The following DLG2 variants were observed in gnomAD, a reference collection of about 807,000 sequenced individuals.
The protein encoded by DLG2 is discs large MAGUK scaffold protein 2, also known as disks large homolog 2.
Under a neutral mutation model 132.5 loss-of-function variants are expected in DLG2, and 45 were observed. The observed-to-expected ratio is 0.34, with a 90% CI of 0.27 to 0.44. The LOEUF is 0.44. Among genes scored for constraint, DLG2 ranks in the 20% least tolerant of loss-of-function variants. The pLI is 1.00. For missense variants in DLG2, 1,045 were observed against 1,196.9 expected (o/e 0.87, Z 1.87); for synonymous variants, 424 against 419.6 (o/e 1.01, Z -0.13).
chr11:85,205,252 G>A (rs2081797730), intron 4 of DLG2, among the ~76,000 whole-genome samples: 1 of 151,014 alleles, frequency 6.6e-6, no homozygotes, highest in Non-Finnish European at 1.5e-5. Flanking sequence ...TAGAAATGGA[G>A]GTCAGTGTGC....
chr11:85,244,996 T>A lies in DLG2; in HGVS notation c.186+40224A>T, dbSNP rs115796025. Among the ~76,000 whole-genome samples the A allele has an allele frequency of 3.5e-3, 539 of 152,058 alleles. 4 individuals are homozygous for A. The highest frequency in any genetic ancestry group is 0.013 in the African/African-American group (529 of 41,548). ...GGCAACATGGAATCATAGACCAGTG[T>A]GGGAGCTTAGAGTTAGGTGGAATTA... On this transcript the variant is annotated intron_variant, in intron 4 of 27. Coordinates refer to ENST00000376104, the MANE Select transcript of DLG2 (RefSeq NM_001142699.3).
At chr11:84,434,118 C>CA (rs201807752) in intron 7 of DLG2, among the ~76,000 whole-genome samples, 22,899 of 86,526 alleles carry the variant, frequency 0.26, 3,439 homozygotes, top group African/African-American at 0.45. Flanking sequence ...GACTCCATCT[C>CA]AAAAAAAAAA....
intron 3 of DLG2, among the ~76,000 whole-genome samples, chr11:85,589,164 C>T (rs2079148827): frequency 6.6e-6 from 1 of 152,200 alleles, no homozygotes; most frequent in South Asian, 2.1e-4. Flanking sequence ...CTAGCAGTGA[C>T]ACTGTCACGT....
chr11:83,854,531 G>T lies in DLG2; in HGVS notation c.1565+19889C>A, dbSNP rs930367888. Reference sequence around the variant, plus strand: ...GACAAACATGGTGCTAGAACAACTGGACATCCACATGCAAAACAGAAAAAA... The same window carrying T: ...GACAAACATGGTGCTAGAACAACTGTACATCCACATGCAAAACAGAAAAAA... On this transcript the variant is annotated intron_variant, in intron 16 of 27. Coordinates refer to ENST00000376104, the MANE Select transcript of DLG2 (RefSeq NM_001142699.3). 6.6e-5 allele frequency among the ~76,000 whole-genome samples: 10 copies of T among 151,990 alleles called. 1 individual carries two copies. The highest frequency in any genetic ancestry group is 2.4e-4 in the African/African-American group (10 of 41,390).
chr11:84,420,645 GTTTTCTTTTTTTTTTTT>G (rs2098946015), intron 7 of DLG2, among the ~76,000 whole-genome samples: 1 of 48,916 alleles, frequency 2.0e-5, no homozygotes, highest in East Asian at 1.1e-3. Context: ...ACCAATGCTT[GTTTTCTTTTTTTTTTTT>G]TTTTTTTTTT....
At chr11:83,639,632 G>A (rs1042684495) in intron 18 of DLG2, among the ~76,000 whole-genome samples, 3 of 151,898 alleles carry the variant, frequency 2.0e-5, no homozygotes, top group Middle Eastern at 3.4e-3. Flanking sequence ...GGGGAGGGAT[G>A]GCATTAGGAG....
intron 18 of DLG2, among the ~76,000 whole-genome samples, chr11:83,692,488 G>T (rs1400558813): frequency 1.3e-5 from 2 of 152,148 alleles, no homozygotes; most frequent in African/African-American, 4.8e-5. Flanking sequence ...GGAGGTAGGG[G>T]GTGGGAGGAA....
rs11602243 is a variant in DLG2, at chr11:83,572,006, C to T, written c.1941-30148G>A. On this transcript the variant is annotated intron_variant, in intron 19 of 27. Coordinates refer to ENST00000376104, the MANE Select transcript of DLG2 (RefSeq NM_001142699.3). The stretch of plus-strand genomic sequence containing the variant: ...ATGGTGTGATTCTAATTTTGTTTTA[C>T]ATATTATATATAAAGATACAAAGCA... Among the ~76,000 whole-genome samples, 869 of 152,024 alleles carry T rather than the reference C, an allele frequency of 5.7e-3. 5 individuals carry two copies. Among genetic ancestry groups the T allele is most frequent in the Middle Eastern group, 0.024 (7 of 294 alleles).
intron 7 of DLG2, among the ~76,000 whole-genome samples, chr11:84,506,015 C>G (rs1417014039): frequency 1.3e-5 from 2 of 151,228 alleles, no homozygotes; most frequent in African/African-American, 2.4e-5. Context: ...AATTAAGGAC[C>G]TTGAGATGGC....
At position 84,288,368 on chromosome 11, in the gene DLG2, A is replaced by C. The variant is rs187119679; in HGVS notation, c.520-37077T>G. 1.2e-3 allele frequency among the ~76,000 whole-genome samples: 178 copies of C among 152,164 alleles called. 1 individual carries two copies. The South Asian group carries it at 0.013, about 11-fold the overall frequency. ...ATTTTATTAATGCTATCAGGAAGGG[A>C]CAAGTATAGAAGGCCTCCAAGATGA... On this transcript the variant is annotated intron_variant, in intron 7 of 27. Transcript: ENST00000376104.
intron 3 of DLG2, among the ~76,000 whole-genome samples, chr11:85,435,886 G>A (rs1289014783): frequency 6.6e-6 from 1 of 152,084 alleles, no homozygotes; most frequent in African/African-American, 2.4e-5. Context: ...AAAGCTGGAG[G>A]CATCATGTTA....
chr11:84,531,279 A>T (rs1249685984), intron 7 of DLG2, among the ~76,000 whole-genome samples: 1 of 152,204 alleles, frequency 6.6e-6, no homozygotes, highest in East Asian at 1.9e-4. Context: ...AACAATGAGT[A>T]CATATGGATA....
At chr11:84,943,165 TGC>T (rs139706721) in intron 6 of DLG2, among the ~76,000 whole-genome samples, 64 of 129,310 alleles carry the variant, frequency 4.9e-4, no homozygotes, top group South Asian at 7.5e-4. Flanking sequence ...TGTGTGTGTG[TGC>T]GTGTGTGTGT....
chr11:84,278,147 C>T (rs898184905), intron 7 of DLG2, among the ~76,000 whole-genome samples: 2 of 147,546 alleles, frequency 1.4e-5, no homozygotes, highest in Non-Finnish European at 1.5e-5. Context: ...CTCAGTTTCT[C>T]AAAGTGCTAG....
At position 84,566,173 on chromosome 11, in the gene DLG2, G is replaced by C. The variant is rs187666412; in HGVS notation, c.358-31442C>G. ...AGATGGGGTTTCACCATGTTGGCCA[G>C]GCTGGTTTTGAACTCCTGACCTCAA... On this transcript the variant is annotated intron_variant, in intron 6 of 27. Transcript: ENST00000376104. 2.8e-3 allele frequency among the ~76,000 whole-genome samples: 420 copies of C among 152,070 alleles called. 3 individuals carry two copies. The highest frequency in any genetic ancestry group is 7.8e-3 in the African/African-American group (325 of 41,486).
chr11:85,250,081 A>G (rs2076325615), intron 4 of DLG2, among the ~76,000 whole-genome samples: 1 of 152,170 alleles, frequency 6.6e-6, no homozygotes, highest in South Asian at 2.1e-4. Flanking sequence ...GCCCAGCCCA[A>G]AGGAGGGAGT....
chr11:85,415,259 T>C (rs1362167754), intron 3 of DLG2, among the ~76,000 whole-genome samples: 1 of 152,108 alleles, frequency 6.6e-6, no homozygotes, highest in Non-Finnish European at 1.5e-5. Flanking sequence ...CAGTCTAACA[T>C]TTATGGGCAT....
intron 3 of DLG2, among the ~76,000 whole-genome samples, chr11:85,413,240 C>G (rs775853286): frequency 2.6e-5 from 4 of 151,840 alleles, no homozygotes; most frequent in Non-Finnish European, 5.9e-5. Context: ...TGTCCTTAGC[C>G]CACTTTTTGA....
At chr11:84,215,175 G>A (rs559548342) in intron 8 of DLG2, among the ~76,000 whole-genome samples, 20 of 152,260 alleles carry the variant, frequency 1.3e-4, no homozygotes, top group Non-Finnish European at 2.1e-4. Flanking sequence ...TCCGAAACAC[G>A]TCAAAGCTTA....
Sources: gnomAD v4.1 joint callset for allele counts (sites outside exome capture counted in the v4.1 genomes callset) on GRCh38, gnomAD v4.1.1 for gene constraint, MANE v1.5 for transcripts, NCBI Gene and HGNC (gene_info 2026-07-23, HGNC 2026-07-21) for gene names.